SV2B: variants seen among roughly 807,000 people sequenced by gnomAD.
SV2B encodes solute carrier family 22 member B2.
A neutral mutation model predicts 73.9 loss-of-function variants in SV2B; 41 were observed. That is an observed-to-expected ratio of 0.56 (90% CI 0.43 to 0.72). SV2B has a LOEUF of 0.72. SV2B is among the 30% of genes least tolerant of loss of function. SV2B has a pLI of 0.00. For synonymous variants in SV2B, 314 were observed against 314.2 expected (o/e 1.00, Z 0.01); for missense variants, 764 against 857.8 (o/e 0.89, Z 1.37).
At chr15:91,275,852 C>A (rs1179185282) in intron 9 of SV2B, among the ~76,000 whole-genome samples, 1 of 152,046 alleles carries the variant, frequency 6.6e-6, no homozygotes, top group African/African-American at 2.4e-5. Flanking sequence ...ATGTACTTAA[C>A]CATTTCTAGA....
At chr15:91,184,532 G>A (rs1158416078) in intron 1 of SV2B, among the ~76,000 whole-genome samples, 2 of 152,092 alleles carry the variant, frequency 1.3e-5, no homozygotes, top group Non-Finnish European at 2.9e-5. Flanking sequence ...CTTCCCCAAG[G>A]CCCTGCCATT....
chr15:91,285,409 T>C (rs1008281920), intron 11 of SV2B, among the ~76,000 whole-genome samples: 4 of 152,210 alleles, frequency 2.6e-5, no homozygotes, highest in African/African-American at 9.6e-5. Context: ...TCCAGCGCAG[T>C]GCCTGCAGTA....
rs2046562808 is a variant in SV2B, at chr15:91,231,245, T to C, written c.451+4531T>C. Among the ~76,000 whole-genome samples the C allele has an allele frequency of 6.6e-6, 1 of 152,142 alleles. No homozygotes were observed. Among genetic ancestry groups the C allele is most frequent in the African/African-American group, 2.4e-5 (1 of 41,418 alleles). ...GCCATGTTTAGGAGTGCGGACTTGA[T>C]TCCACTGGTAGTGGAGAGCTGTTTA... On this transcript the variant is annotated intron_variant, in intron 2 of 12. Transcript: ENST00000394232. This position sits in a 1 kb window ranked among gnomAD's most constrained non-coding sequence, Gnocchi z 4.5.
At chr15:91,215,711 T>C (rs899134276) in intron 1 of SV2B, among the ~76,000 whole-genome samples, 2 of 152,204 alleles carry the variant, frequency 1.3e-5, no homozygotes, top group African/African-American at 4.8e-5. Flanking sequence ...CAAAAACATG[T>C]TTCTTATATT....
Position 91,288,615 on chromosome 15 carries a change from C to CCTCTCTCTCTCTTTCTCTCTTCTTTCTTT in SV2B, c.1709-893_1709-865dup, listed in dbSNP as rs1567437756. 7.8e-4 allele frequency among the ~76,000 whole-genome samples: 119 copies of CCTCTCTCTCTCTTTCTCTCTTCTTTCTTT among 151,700 alleles called. 2 individuals carry two copies. The highest frequency in any genetic ancestry group is 2.3e-3 in the South Asian group (11 of 4,786). The stretch of plus-strand genomic sequence containing the variant: ...AGAATTCCTTTCTTTTCTTCTCCTT[C>CCTCTCTCTCTCTTTCTCTCTTCTTTCTTT]CTCTCTCTCTCTTTCTCTCTTCTTT... On this transcript the variant is annotated intron_variant, in intron 11 of 12. Coordinates refer to ENST00000394232, the MANE Select transcript of SV2B (RefSeq NM_001323032.3). The surrounding 1 kb of genome is among the most constrained non-coding windows in gnomAD (Gnocchi z 5.8).
At chr15:91,250,692 C>G (rs895678620) in intron 2 of SV2B, among the ~76,000 whole-genome samples, 5 of 151,956 alleles carry the variant, frequency 3.3e-5, no homozygotes, top group African/African-American at 1.2e-4. Context: ...AAAACAAAAT[C>G]TAGGAAACAA....
At chr15:91,273,910 C>A (rs754136393) in intron 9 of SV2B, among the ~76,000 whole-genome samples, 20 of 152,184 alleles carry the variant, frequency 1.3e-4, no homozygotes, top group South Asian at 2.1e-4. Context: ...CATTGTACAG[C>A]AGTCTTTTGA....
Position 91,106,744 on chromosome 15 carries a change from T to G in SV2B, c.-392+6381T>G, listed in dbSNP as rs932784836. Among the ~76,000 whole-genome samples the G allele has an allele frequency of 1.3e-5, 2 of 152,208 alleles. No individual in the cohort carries two copies. Among genetic ancestry groups the G allele is most frequent in the East Asian group, 3.8e-4 (2 of 5,200 alleles). ...GGGTGTGATGTTCTTGGGTTATTAT[T>G]GTACTGCTCTTAATTTAAGATGAGG... On this transcript the variant is annotated intron_variant, in intron 1 of 12. Transcript: ENST00000394232. The surrounding 1 kb of genome is among the most constrained non-coding windows in gnomAD (Gnocchi z 4.4).
chr15:91,191,813 G>T (rs2045043964), intron 1 of SV2B, among the ~76,000 whole-genome samples: 1 of 152,062 alleles, frequency 6.6e-6, no homozygotes, highest in Admixed American at 6.5e-5. Flanking sequence ...CAGTTAGTTT[G>T]ACTTTTTATA....
chr15:91,165,842 T>G (rs2141263782), intron 1 of SV2B, among the ~76,000 whole-genome samples: 1 of 152,380 alleles, frequency 6.6e-6, no homozygotes, highest in Admixed American at 6.5e-5. Flanking sequence ...AAGTTTTTTC[T>G]AGTGTTATTT....
At chr15:91,209,310 C>T (rs1449621555) in intron 1 of SV2B, among the ~76,000 whole-genome samples, 2 of 151,780 alleles carry the variant, frequency 1.3e-5, no homozygotes, top group African/African-American at 4.8e-5. Context: ...TTAGTAGAGA[C>T]AGGGTTTCAG....
rs915154162 is a variant in SV2B, at chr15:91,122,254, A to G, written c.-392+21891A>G. On this transcript the variant is annotated intron_variant, in intron 1 of 12. Coordinates refer to ENST00000394232, the MANE Select transcript of SV2B (RefSeq NM_001323032.3). This position sits in a 1 kb window ranked among gnomAD's most constrained non-coding sequence, Gnocchi z 4.3. The stretch of plus-strand genomic sequence containing the variant: ...CAGGGGTGTCGTAGATGCAGGTACA[A>G]TGAGTACAGAGTCAGATTCAGAGAA... Among the ~76,000 whole-genome samples the G allele has an allele frequency of 2.0e-5, 3 of 152,240 alleles. No individual in the cohort carries two copies. Among genetic ancestry groups the G allele is most frequent in the African/African-American group, 7.2e-5 (3 of 41,460 alleles).
intron 1 of SV2B, among the ~76,000 whole-genome samples, chr15:91,207,320 GT>G (rs2045680549): frequency 6.6e-6 from 1 of 151,866 alleles, no homozygotes; most frequent in East Asian, 1.9e-4. Context: ...ACTGTGCCTG[GT>G]CTTAAAACAA....
At chr15:91,254,822 C>G (rs913679390) in intron 4 of SV2B, among the ~76,000 whole-genome samples, 3 of 152,178 alleles carry the variant, frequency 2.0e-5, no homozygotes, top group African/African-American at 7.2e-5. Flanking sequence ...ACCAGCTTCC[C>G]TCCTGGAAGC....
At chr15:91,181,066 T>A (rs2044535740) in intron 1 of SV2B, among the ~76,000 whole-genome samples, 1 of 152,026 alleles carries the variant, frequency 6.6e-6, no homozygotes, top group Non-Finnish European at 1.5e-5. Context: ...TACAGATGGG[T>A]TTTTGGTGTG....
At chr15:91,113,971 C>A (rs944217960) in intron 1 of SV2B, among the ~76,000 whole-genome samples, 1 of 152,108 alleles carries the variant, frequency 6.6e-6, no homozygotes, top group Non-Finnish European at 1.5e-5. Context: ...GCCACCTTGT[C>A]TACTACTGTA....
Position 91,284,869 on chromosome 15 carries a change from C to T in SV2B, c.1708+648C>T, listed in dbSNP as rs562627354. 2.6e-5 allele frequency among the ~76,000 whole-genome samples: 4 copies of T among 152,272 alleles called. No individual in the cohort carries two copies. Among genetic ancestry groups the T allele is most frequent in the East Asian group, 1.9e-4 (1 of 5,182 alleles). On this transcript the variant is annotated intron_variant, in intron 11 of 12. Transcript: ENST00000394232. This position sits in a 1 kb window ranked among gnomAD's most constrained non-coding sequence, Gnocchi z 4.5. ...TCATGTATGCCTTGCCTCATTCCAT[C>T]GGGACTTGCAGCAATTTATTACAGA...
At chr15:91,264,734 A>T (rs564828623) in intron 6 of SV2B, among the ~76,000 whole-genome samples, 1 of 152,328 alleles carries the variant, frequency 6.6e-6, no homozygotes, top group East Asian at 1.9e-4. Context: ...TTTCAGACAC[A>T]AAAGCCTTTT....
At chr15:91,221,790 C>T (rs2046228538) in intron 1 of SV2B, among the ~76,000 whole-genome samples, 1 of 152,060 alleles carries the variant, frequency 6.6e-6, no homozygotes, top group South Asian at 2.1e-4. Flanking sequence ...AAACCAGGAC[C>T]ACATCCCCAC....
Sources: allele counts gnomAD v4.1 joint callset (sites outside exome capture counted in the v4.1 genomes callset), GRCh38; gene constraint gnomAD v4.1.1; non-coding constraint Gnocchi (gnomAD v3.1); transcripts MANE v1.5; gene names NCBI Gene and HGNC (gene_info 2026-07-23, HGNC 2026-07-21).